The following EPB41L4B variants were observed in gnomAD, a reference collection of about 807,000 sequenced individuals.
EPB41L4B encodes band 4.1-like protein 4B.
In EPB41L4B, 30 loss-of-function variants were observed where a neutral mutation model predicts 112.5. That is an observed-to-expected ratio of 0.27 (90% CI 0.20 to 0.36). EPB41L4B has a LOEUF of 0.36. EPB41L4B is among the 10% of genes least tolerant of loss of function. The pLI, the probability that EPB41L4B is intolerant of heterozygous loss-of-function variation, is 1.00. For missense variants in EPB41L4B, 1,024 were observed against 1,133.3 expected, an observed-to-expected ratio of 0.90 and a Z score of 1.38; for synonymous variants, 408 against 439.7, an observed-to-expected ratio of 0.93 and a Z score of 0.90.
intron 15 of EPB41L4B, among the ~76,000 whole-genome samples, chr9:109,230,929 G>C (rs1333129976): frequency 6.6e-6 from 1 of 152,152 alleles, no homozygotes; most frequent in African/African-American, 2.4e-5. Flanking sequence ...GCCAATGTAG[G>C]CAGATCATCT....
chr9:109,222,443 G>A (rs1285435101), intron 15 of EPB41L4B, among the ~76,000 whole-genome samples: 4 of 152,144 alleles, frequency 2.6e-5, no homozygotes, highest in African/African-American at 9.7e-5. Flanking sequence ...CGGAACTCCT[G>A]GAGATGCCAC....
chr9:109,182,931 G>C (rs567944323), intron 23 of EPB41L4B, 134 bp from the exon 24 acceptor site: 2 of 660,788 alleles, frequency 3.0e-6, no homozygotes, highest in Non-Finnish European at 5.4e-6. Context: ...ACTCGTGTAA[G>C]GGCACATACA....
chr9:109,307,271 C>T (rs1216794806), intron 1 of EPB41L4B: 6 of 488,876 alleles, frequency 1.2e-5, no homozygotes, highest in South Asian at 3.0e-5. Flanking sequence ...GGAACTTCAT[C>T]GCTTTTAGAA....
At chr9:109,256,025 C>T in intron 9 of EPB41L4B, 111 bp downstream of exon 9, 1 of 1,172,976 alleles carries the variant, frequency 8.5e-7, no homozygotes, top group South Asian at 1.4e-5. Flanking sequence ...GCACCGTGTG[C>T]TCTGAGGATG....
At chr9:109,253,593 C>T (rs1355354329) in intron 11 of EPB41L4B, 43 bp from the exon 12 acceptor site, 3 of 1,255,842 alleles carry the variant, frequency 2.4e-6, no homozygotes, top group Non-Finnish European at 3.5e-6. Context: ...ATATCAGAAT[C>T]TCAGTACATT....
At chr9:109,177,190 C>A (rs115456073) in intron 24 of EPB41L4B, among the ~76,000 whole-genome samples, 1,586 of 152,296 alleles carry the variant, frequency 0.01, 40 homozygotes, top group African/African-American at 0.036. Flanking sequence ...CCAGGGCTAG[C>A]TGACACCATA....
At chr9:109,194,166 T>C (rs1832561070) in intron 21 of EPB41L4B, 54 bp downstream of exon 21, 1 of 1,575,924 alleles carries the variant, frequency 6.3e-7, no homozygotes, top group South Asian at 1.2e-5. Context: ...AGTAAATTGA[T>C]ACTGAATTCC....
At chr9:109,238,307 C>G (rs1588160772) in intron 15 of EPB41L4B, among the ~76,000 whole-genome samples, 1 of 152,310 alleles carries the variant, frequency 6.6e-6, no homozygotes, top group East Asian at 1.9e-4. Context: ...GAGAACACAG[C>G]TGACACACTG....
At chr9:109,213,410 G>C (rs192440900) in intron 17 of EPB41L4B, among the ~76,000 whole-genome samples, 1 of 152,186 alleles carries the variant, frequency 6.6e-6, no homozygotes, top group South Asian at 2.1e-4. Context: ...GGTAAATGTG[G>C]ATGCTCCCTC....
intron 6 of EPB41L4B, 96 bp from the exon 7 acceptor site, chr9:109,258,393 C>T: frequency 7.7e-7 from 1 of 1,304,228 alleles, no homozygotes. Flanking sequence ...CATTATAAAG[C>T]ACAGCCCCCC....
intron 15 of EPB41L4B, among the ~76,000 whole-genome samples, chr9:109,223,946 G>C (rs1329009067): frequency 6.6e-6 from 1 of 152,102 alleles, no homozygotes; most frequent in Non-Finnish European, 1.5e-5. Context: ...TTGAACCCAG[G>C]AAGTGAAGGT....
intron 1 of EPB41L4B, among the ~76,000 whole-genome samples, chr9:109,293,123 C>G (rs984042483): frequency 2.6e-5 from 4 of 152,214 alleles, no homozygotes; most frequent in African/African-American, 9.6e-5. Flanking sequence ...CAGAACCCAT[C>G]ATGACAAATG....
rs771769913 is a variant in EPB41L4B, at chr9:109,185,450, C to T, written c.2418+39G>A. On this transcript the variant is annotated intron_variant, in intron 23 of 25. Transcript: ENST00000374566. ...GCCTGGTGGCTCCTGCCCACCTCAC[C>T]TCTCCTGGCCAGGCCCCTCTCCCTG... 14 of 1,583,980 alleles carry T rather than the reference C, an allele frequency of 8.8e-6. No individual in the cohort carries two copies. In the South Asian group the frequency reaches 1.4e-4, roughly 16 times the overall value.
chr9:109,246,570 G>A (rs568130001), intron 14 of EPB41L4B, among the ~76,000 whole-genome samples: 1 of 152,360 alleles, frequency 6.6e-6, no homozygotes, highest in East Asian at 1.9e-4. Context: ...CAACAATTAT[G>A]CAATTCCCTG....
intron 12 of EPB41L4B, 86 bp from the exon 13 acceptor site, chr9:109,251,597 T>C: frequency 8.1e-7 from 1 of 1,230,450 alleles, no homozygotes; most frequent in Non-Finnish European, 1.2e-6. Context: ...CATGCGAGAC[T>C]TCTACCATCA....
intron 23 of EPB41L4B, among the ~76,000 whole-genome samples, chr9:109,183,149 G>C (rs1044419515): frequency 7.2e-5 from 11 of 152,218 alleles, no homozygotes; most frequent in African/African-American, 2.7e-4. Flanking sequence ...TAATGAGGGA[G>C]TCAGAGTTGC....
rs184514476 is a variant in EPB41L4B, at chr9:109,263,579, C to T, written c.579-477G>A. ...GCTGGATACACTCAGCATTCTAAGT[C>T]TATCTAAGGCACAGCCATAGAAGAG... On this transcript the variant is annotated intron_variant, in intron 5 of 25. Coordinates refer to ENST00000374566, the MANE Select transcript of EPB41L4B (RefSeq NM_019114.5). Among the ~76,000 whole-genome samples the T allele has an allele frequency of 2.6e-4, 39 of 152,362 alleles. 1 individual carries two copies. The highest frequency in any genetic ancestry group is 8.9e-4 in the African/African-American group (37 of 41,590).
intron 5 of EPB41L4B, among the ~76,000 whole-genome samples, chr9:109,264,039 TAGAG>T (rs370405426): frequency 2.1e-5 from 3 of 145,510 alleles, no homozygotes; most frequent in Non-Finnish European, 4.6e-5. Context: ...GAGAGAGAGG[TAGAG>T]AGAGAGAGAG....
At chr9:109,309,576 G>A (rs1026137779) in intron 1 of EPB41L4B, among the ~76,000 whole-genome samples, 9 of 152,092 alleles carry the variant, frequency 5.9e-5, no homozygotes. Flanking sequence ...ATTCCAGGAA[G>A]AACTACACAT....
Sources: allele counts gnomAD v4.1 joint callset (sites outside exome capture counted in the v4.1 genomes callset), GRCh38; gene constraint gnomAD v4.1.1; transcripts MANE v1.5; gene names NCBI Gene and HGNC (gene_info 2026-07-23, HGNC 2026-07-21).